Variants in JMJD1C observed in about 807,000 individuals in gnomAD.
JMJD1C encodes the protein jumonji domain containing 1C, also known as jumonji domain-containing protein 1C.
A neutral mutation model predicts 245.3 loss-of-function variants in JMJD1C; 31 were observed. The observed-to-expected ratio is 0.13, with a 90% CI of 0.09 to 0.17. JMJD1C has a LOEUF of 0.17. Ranked by LOEUF, JMJD1C falls within the 10% of genes least tolerant of loss-of-function variation. The probability of loss-of-function intolerance (pLI) is 1.00; values close to 1 mark genes in which losing one functional copy is unlikely to be tolerated. For missense variants in JMJD1C, 2,691 were observed against 3,000.2 expected, an observed-to-expected ratio of 0.90 and a Z score of 2.41; for synonymous variants, 1,057 against 1,017.4, an observed-to-expected ratio of 1.04 and a Z score of -0.74.
At chr10:63,225,363 C>CA (rs935872960) in intron 3 of JMJD1C, among the ~76,000 whole-genome samples, 14 of 152,138 alleles carry the variant, frequency 9.2e-5, no homozygotes, top group African/African-American at 3.4e-4. Flanking sequence ...AGAAAAAGTT[C>CA]AAAAAACATC....
At chr10:63,428,606 C>G (rs1589730380) in intron 1 of JMJD1C, among the ~76,000 whole-genome samples, 1 of 152,052 alleles carries the variant, frequency 6.6e-6, no homozygotes, top group African/African-American at 2.4e-5. Context: ...TGGAACAAAA[C>G]CATTCTTCAG....
At chr10:63,201,493 T>A (rs1845996251) in intron 10 of JMJD1C, among the ~76,000 whole-genome samples, 1 of 152,222 alleles carries the variant, frequency 6.6e-6, no homozygotes, top group Non-Finnish European at 1.5e-5. Context: ...CATTGCTCCA[T>A]CACATTTACT....
intron 1 of JMJD1C, among the ~76,000 whole-genome samples, chr10:63,429,173 T>C (rs1028550005): frequency 6.6e-6 from 1 of 151,908 alleles, no homozygotes; most frequent in Admixed American, 6.6e-5. Flanking sequence ...AGAGACAGGG[T>C]TTCTTCATGA....
intron 1 of JMJD1C, among the ~76,000 whole-genome samples, chr10:63,401,598 T>A (rs1358680753): frequency 2.6e-5 from 4 of 152,162 alleles, no homozygotes. Context: ...TAGGATTGTT[T>A]CATGGCCCAG....
intron 2 of JMJD1C, among the ~76,000 whole-genome samples, chr10:63,313,529 T>C (rs1016826896): frequency 6.6e-6 from 1 of 152,202 alleles, no homozygotes; most frequent in African/African-American, 2.4e-5. Flanking sequence ...ACACTGTCCA[T>C]ATTAGTCATA....
chr10:63,307,240 T>C (rs1181927931), intron 2 of JMJD1C, among the ~76,000 whole-genome samples: 2 of 152,092 alleles, frequency 1.3e-5, no homozygotes, highest in Admixed American at 6.5e-5. Context: ...TTTACAAAAA[T>C]AGTTAACAGA....
At chr10:63,425,150 C>A (rs1950367337) in intron 1 of JMJD1C, among the ~76,000 whole-genome samples, 1 of 152,056 alleles carries the variant, frequency 6.6e-6, no homozygotes, top group African/African-American at 2.4e-5. Context: ...AAGATGGGAA[C>A]CCTGAAGTAA....
At chr10:63,282,796 A>G (rs1286413667) in intron 2 of JMJD1C, among the ~76,000 whole-genome samples, 2 of 152,040 alleles carry the variant, frequency 1.3e-5, no homozygotes, top group Non-Finnish European at 1.5e-5. Flanking sequence ...GGCTCACTGC[A>G]ACCGCCGCCT....
chr10:63,215,457 TA>T lies in JMJD1C; in HGVS notation c.823-3del, dbSNP rs1847870996. 6.2e-7 allele frequency: 1 copy of T among 1,613,872 alleles called. No homozygotes were observed. Reference sequence around the variant, plus strand: ...TGCTTGGGCACGTGTATAATGGCTCTAAAAATAACCAATTAACAGTAATTGT... The same window carrying T: ...TGCTTGGGCACGTGTATAATGGCTCTAAAATAACCAATTAACAGTAATTGT... On this transcript the variant is annotated splice_polypyrimidine_tract_variant and splice_region_variant and intron_variant, in intron 6 of 25. Coordinates refer to ENST00000399262, the MANE Select transcript of JMJD1C (RefSeq NM_032776.3).
intron 1 of JMJD1C, among the ~76,000 whole-genome samples, chr10:63,417,271 T>C (rs1356362368): frequency 6.6e-6 from 1 of 152,204 alleles, no homozygotes; most frequent in African/African-American, 2.4e-5. Context: ...TCAATGTACA[T>C]ACATAGATGA....
At chr10:63,175,760 T>A (rs35661318) in intron 24 of JMJD1C, among the ~76,000 whole-genome samples, 3,976 of 152,292 alleles carry the variant, frequency 0.026, 68 homozygotes, top group Non-Finnish European at 0.043. Context: ...GTACTTTTAA[T>A]CCCACCCTCC....
At chr10:63,451,889 G>A (rs1336287280) in intron 1 of JMJD1C, among the ~76,000 whole-genome samples, 1 of 152,166 alleles carries the variant, frequency 6.6e-6, no homozygotes. Flanking sequence ...ATTAACAGAT[G>A]TAAGAAAATA....
upstream of JMJD1C, among the ~76,000 whole-genome samples, chr10:63,470,387 C>T (rs971942207): frequency 6.6e-6 from 1 of 152,152 alleles, no homozygotes; most frequent in Non-Finnish European, 1.5e-5. Context: ...CAGGGTTATT[C>T]ATCACCTTCA....
intron 3 of JMJD1C, among the ~76,000 whole-genome samples, chr10:63,251,680 GC>G (rs1417422231): frequency 6.6e-6 from 1 of 152,174 alleles, no homozygotes. Flanking sequence ...TATTTAGGAT[GC>G]TGAAAGCACC....
At chr10:63,293,523 T>C (rs1253866959) in intron 2 of JMJD1C, among the ~76,000 whole-genome samples, 4 of 152,276 alleles carry the variant, frequency 2.6e-5, no homozygotes, top group African/African-American at 7.2e-5. Context: ...TTATCAAAAA[T>C]ACACAATCAA....
At chr10:63,326,303 C>T (rs941050531) in intron 2 of JMJD1C, among the ~76,000 whole-genome samples, 5 of 149,562 alleles carry the variant, frequency 3.3e-5, no homozygotes, top group Admixed American at 2.0e-4. Context: ...AAGACCAGCC[C>T]GACCAACATG....
Position 63,186,319 on chromosome 10 carries a change from C to T in JMJD1C, c.6635G>A (p.Ser2212Asn). Residue 2212 changes from serine to asparagine, a missense_variant, in exon 19 of 26, where the codon AGT (serine) becomes AAT (asparagine). Transcript: ENST00000399262. The part of the protein sequence containing the change: ...NISLWKAESI[S>N]LDFGDHQADL... ...AGCTTGGTGGTCTCCAAAATCAAGA[C>T]TAATTGATTCCGCCTTCCATAGGCT... The T allele has an allele frequency of 1.2e-6, 2 of 1,612,810 alleles. No homozygotes were observed. Among genetic ancestry groups the T allele is most frequent in the Non-Finnish European group, 1.7e-6 (2 of 1,179,010 alleles).
chr10:63,459,351 A>C (rs1952629973), intron 1 of JMJD1C, among the ~76,000 whole-genome samples: 1 of 152,242 alleles, frequency 6.6e-6, no homozygotes, highest in African/African-American at 2.4e-5. Flanking sequence ...ACACTGACAG[A>C]GTATAAACTA....
At chr10:63,286,003 G>A (rs186978320) in intron 2 of JMJD1C, among the ~76,000 whole-genome samples, 1 of 138,218 alleles carries the variant, frequency 7.2e-6, no homozygotes, top group Non-Finnish European at 1.5e-5. Context: ...AATTAACAAT[G>A]CATATTCCTG....
Sources: gnomAD v4.1 joint callset for allele counts (sites outside exome capture counted in the v4.1 genomes callset) on GRCh38, gnomAD v4.1.1 for gene constraint, MANE v1.5 for transcripts, NCBI Gene and HGNC (gene_info 2026-07-23, HGNC 2026-07-21) for gene names.